Variants in SRBD1 observed in about 807,000 individuals in gnomAD.
The protein encoded by SRBD1 is S1 RNA binding domain 1, also known as S1 RNA-binding domain-containing protein 1.
Under a neutral mutation model 115.3 loss-of-function variants are expected in SRBD1, and 88 were observed. The observed-to-expected ratio is 0.76, with a 90% CI of 0.64 to 0.91. The LOEUF (loss-of-function observed/expected upper bound fraction) is 0.91, where lower values mean the gene tolerates loss of function less well. Ranked by LOEUF, SRBD1 falls within the 40% of genes least tolerant of loss-of-function variation. SRBD1 has a pLI of 0.00. For synonymous variants in SRBD1, 509 were observed against 407.7 expected, an observed-to-expected ratio of 1.25 and a Z score of -2.99; for missense variants, 1,385 against 1,177.4, an observed-to-expected ratio of 1.18 and a Z score of -2.58.
At chr2:45,499,122 T>A (rs186703692) in intron 14 of SRBD1, among the ~76,000 whole-genome samples, 3 of 152,188 alleles carry the variant, frequency 2.0e-5, no homozygotes, top group African/African-American at 7.2e-5. Flanking sequence ...CAACAGTGTA[T>A]GAGTGTTCAC....
chr2:45,432,400 T>C (rs1316303728), intron 16 of SRBD1, among the ~76,000 whole-genome samples: 1 of 152,190 alleles, frequency 6.6e-6, no homozygotes, highest in Non-Finnish European at 1.5e-5. Flanking sequence ...CCATACTGTT[T>C]CCATAATAAT....
In SRBD1 at chr2:45,508,803, A is replaced by G. The variant is rs1670874087; in HGVS notation, c.1875-20472T>C. Among the ~76,000 whole-genome samples the G allele has an allele frequency of 2.6e-5, 4 of 152,230 alleles. No homozygotes were observed. The South Asian group carries it at 8.3e-4, about 32-fold the overall frequency. On this transcript the variant is annotated intron_variant, in intron 14 of 20. Coordinates refer to ENST00000263736, the MANE Select transcript of SRBD1 (RefSeq NM_018079.5). ...TTTACCCAGTGAATTGCTAAAGATA[A>G]TAAATGATTTTTACTAAAATAAATG... is the stretch of plus-strand genomic sequence containing the variant.
At chr2:45,565,244 G>T (rs1157694434) in intron 9 of SRBD1, among the ~76,000 whole-genome samples, 1 of 152,084 alleles carries the variant, frequency 6.6e-6, no homozygotes, top group African/African-American at 2.4e-5. Context: ...TGACTACAAA[G>T]CCACAGTTAT....
At chr2:45,427,308 C>G (rs917385261) in intron 16 of SRBD1, among the ~76,000 whole-genome samples, 2 of 152,076 alleles carry the variant, frequency 1.3e-5, no homozygotes, top group African/African-American at 4.8e-5. Flanking sequence ...GTGCTAAATG[C>G]CCCAAATAAA....
At chr2:45,574,534 A>G in intron 8 of SRBD1, 93 bp downstream of exon 8, 1 of 1,208,288 alleles carries the variant, frequency 8.3e-7, no homozygotes, top group East Asian at 2.4e-5. Context: ...TCTGAAAACA[A>G]AGTTTTTAAT....
intron 14 of SRBD1, among the ~76,000 whole-genome samples, chr2:45,505,817 C>T (rs1435504977): frequency 8.3e-6 from 1 of 119,950 alleles, no homozygotes; most frequent in Non-Finnish European, 1.9e-5. Context: ...AATCTAAAAC[C>T]ATGACTTAGG....
At chr2:45,502,021 T>A (rs1183711735) in intron 14 of SRBD1, among the ~76,000 whole-genome samples, 1 of 152,140 alleles carries the variant, frequency 6.6e-6, no homozygotes, top group African/African-American at 2.4e-5. Context: ...CCGAGTAGCC[T>A]AACTGGGAGG....
intron 1 of SRBD1, among the ~76,000 whole-genome samples, chr2:45,606,296 A>T (rs1674271852): frequency 6.6e-6 from 1 of 151,652 alleles, no homozygotes. Context: ...AGTAGCTGGG[A>T]TTACAGGCAT....
chr2:45,536,494 T>C lies in SRBD1; in HGVS notation c.1874+10238A>G, dbSNP rs1197466628. 2.6e-5 allele frequency among the ~76,000 whole-genome samples: 4 copies of C among 152,130 alleles called. No individual in the cohort carries two copies. The South Asian group carries it at 6.2e-4, about 24-fold the overall frequency. On this transcript the variant is annotated intron_variant, in intron 14 of 20. Transcript: ENST00000263736. Reference sequence around the variant, plus strand: ...ATAAAATTTTGTTACAAAGAGTGCATCTCTGAATTGGCCTATTAAAAACCT... The same window carrying C: ...ATAAAATTTTGTTACAAAGAGTGCACCTCTGAATTGGCCTATTAAAAACCT...
At chr2:45,390,369 C>T (rs1012137475) in intron 20 of SRBD1, among the ~76,000 whole-genome samples, 1 of 152,096 alleles carries the variant, frequency 6.6e-6, no homozygotes. Flanking sequence ...TTCTTGCTCA[C>T]CCCAGCATAC....
intron 2 of SRBD1, among the ~76,000 whole-genome samples, chr2:45,602,978 G>C (rs55987332): frequency 0.19 from 29,303 of 152,030 alleles, 4,990 homozygotes; most frequent in African/African-American, 0.46. Context: ...GCCTGGTAAG[G>C]AAAAACAAAC....
At chr2:45,547,500 A>T (rs1279419252) in intron 13 of SRBD1, 22 bp downstream of exon 13, 1 of 1,607,320 alleles carries the variant, frequency 6.2e-7, no homozygotes, top group Non-Finnish European at 8.5e-7. Context: ...TGATATATTC[A>T]AAAGATTACT....
In SRBD1 at chr2:45,585,598, G is replaced by A. The variant is rs376288198; in HGVS notation, c.815+10C>T. 6.2e-7 allele frequency: 1 copy of A among 1,601,650 alleles called. No homozygotes were observed. Among genetic ancestry groups the A allele is most frequent in the African/African-American group, 1.4e-5 (1 of 73,830 alleles). The stretch of plus-strand genomic sequence containing the variant: ...CTTACACTAGGCTTATTCTTTTTTA[G>A]GTTTCTTACCGTAGCTCTTCTAGGG... On this transcript the variant is annotated intron_variant, in intron 5 of 20. Transcript: ENST00000263736.
intron 19 of SRBD1, among the ~76,000 whole-genome samples, chr2:45,402,512 C>T (rs1667318615): frequency 1.3e-5 from 2 of 152,256 alleles, no homozygotes; most frequent in African/African-American, 4.8e-5. Context: ...CATACATTTA[C>T]CTGGTCCATT....
intron 10 of SRBD1, among the ~76,000 whole-genome samples, chr2:45,562,168 TA>T (rs1558480012): frequency 6.6e-6 from 1 of 152,164 alleles, no homozygotes; most frequent in East Asian, 1.9e-4. Flanking sequence ...CTTATTTTAT[TA>T]TTTTTTTTAA....
intron 5 of SRBD1, among the ~76,000 whole-genome samples, chr2:45,583,253 A>G (rs1558494207): frequency 1.3e-5 from 2 of 152,106 alleles, no homozygotes; most frequent in Admixed American, 6.5e-5. Context: ...TAAATTAAAG[A>G]GAAGAATATA....
intron 14 of SRBD1, among the ~76,000 whole-genome samples, chr2:45,529,832 A>G (rs906074250): frequency 1.3e-5 from 2 of 152,040 alleles, no homozygotes; most frequent in African/African-American, 2.4e-5. Context: ...ACAAGAATAG[A>G]AAGACTTCCT....
At chr2:45,542,854 T>C (rs1444596783) in intron 14 of SRBD1, among the ~76,000 whole-genome samples, 2 of 152,144 alleles carry the variant, frequency 1.3e-5, no homozygotes, top group Non-Finnish European at 2.9e-5. Context: ...AAACAATGAA[T>C]ACTGTTCAGG....
chr2:45,412,824 G>A (rs1667642386), intron 19 of SRBD1, among the ~76,000 whole-genome samples: 1 of 152,154 alleles, frequency 6.6e-6, no homozygotes, highest in Non-Finnish European at 1.5e-5. Context: ...AGTCAATTGT[G>A]TCTTGTTAAT....
Sources: allele counts gnomAD v4.1 joint callset (sites outside exome capture counted in the v4.1 genomes callset), GRCh38; gene constraint gnomAD v4.1.1; transcripts MANE v1.5; gene names NCBI Gene and HGNC (gene_info 2026-07-23, HGNC 2026-07-21).